Variants in PTPRE observed in about 807,000 individuals in gnomAD.
PTPRE encodes protein tyrosine phosphatase receptor type E, also known as receptor-type tyrosine-protein phosphatase epsilon.
A neutral mutation model predicts 102.0 loss-of-function variants in PTPRE; 51 were observed. The observed-to-expected ratio is 0.50, with a 90% CI of 0.40 to 0.63. PTPRE has a LOEUF of 0.63. PTPRE is among the 30% of genes least tolerant of loss of function. The pLI is 0.00. For missense variants in PTPRE, 752 were observed against 915.1 expected (o/e 0.82, Z 2.30); for synonymous variants, 345 against 348.2 (o/e 0.99, Z 0.10).
chr10:128,069,903 G>C, intron 13 of PTPRE, 76 bp downstream of exon 13: 1 of 1,605,006 alleles, frequency 6.2e-7, no homozygotes, highest in Non-Finnish European at 8.5e-7. Context: ...AGGTGTGCAG[G>C]GCCCTGGCTC....
chr10:128,056,285 CG>C, intron 7 of PTPRE, 72 bp downstream of exon 7: 1 of 1,295,260 alleles, frequency 7.7e-7, no homozygotes. Flanking sequence ...TGCAGCTCCC[CG>C]TGACTGCAGG....
intron 2 of PTPRE, chr10:127,998,898 A>AG (rs1431176404): frequency 6.6e-6 from 1 of 152,208 alleles, no homozygotes; most frequent in East Asian, 1.9e-4. Flanking sequence ...GAGGCTGGGC[A>AG]GCTGCAGGAG....
intron 2 of PTPRE, among the ~76,000 whole-genome samples, chr10:128,034,927 C>A (rs1189599623): frequency 6.6e-6 from 1 of 152,152 alleles, no homozygotes; most frequent in Non-Finnish European, 1.5e-5. Flanking sequence ...TATTATTTTA[C>A]GTTCTCATTT....
chr10:127,971,831 A>C (rs1850767026), intron 1 of PTPRE, among the ~76,000 whole-genome samples: 1 of 152,222 alleles, frequency 6.6e-6, no homozygotes, highest in East Asian at 1.9e-4. Context: ...TGGGATGGCC[A>C]TGGGCACCAG....
At chr10:127,933,664 T>C (rs980019465) in intron 1 of PTPRE, among the ~76,000 whole-genome samples, 1 of 152,190 alleles carries the variant, frequency 6.6e-6, no homozygotes, top group Non-Finnish European at 1.5e-5. Flanking sequence ...ATATCAAGAA[T>C]GTATCTAAGG....
At chr10:127,927,560 C>T (rs1412982692) in intron 1 of PTPRE, among the ~76,000 whole-genome samples, 2 of 152,146 alleles carry the variant, frequency 1.3e-5, no homozygotes, top group East Asian at 3.9e-4. Flanking sequence ...GGATCAAGCC[C>T]CAGTTTGTCT....
At chr10:127,974,846 G>T (rs1228014816) in intron 1 of PTPRE, among the ~76,000 whole-genome samples, 1 of 152,046 alleles carries the variant, frequency 6.6e-6, no homozygotes, top group African/African-American at 2.4e-5. Context: ...TTTGGGGAGG[G>T]TCTGCACCTG....
chr10:127,943,371 A>G (rs1358233991), intron 1 of PTPRE, among the ~76,000 whole-genome samples: 3 of 152,144 alleles, frequency 2.0e-5, no homozygotes, highest in Non-Finnish European at 4.4e-5. Context: ...GTAGGTTGCT[A>G]ATCCTCTCCT....
At chr10:127,984,092 T>C (rs2135474887) in intron 2 of PTPRE, among the ~76,000 whole-genome samples, 1 of 150,716 alleles carries the variant, frequency 6.6e-6, no homozygotes, top group Non-Finnish European at 1.5e-5. Context: ...TTTTTTTTTT[T>C]TTTTTTGAGA....
Position 128,076,633 on chromosome 10 carries a change from G to C in PTPRE, c.1630G>C (p.Gly544Arg). 2 of 1,609,532 alleles carry C rather than the reference G, an allele frequency of 1.2e-6. No individual in the cohort carries two copies. Among genetic ancestry groups the C allele is most frequent in the Non-Finnish European group, 1.7e-6 (2 of 1,178,798 alleles). Reference sequence around the variant, plus strand: ...ATGCTACCAGTATTGGCCAACCGAGGGCTCAGTTACTCATGGAGAAATAAC... The same window carrying C: ...ATGCTACCAGTATTGGCCAACCGAGCGCTCAGTTACTCATGGAGAAATAAC... Reference protein sequence around the residue: ...DKCYQYWPTEGSVTHGEITIE... With the variant: ...DKCYQYWPTERSVTHGEITIE... The change falls in exon 18 of 21, where the codon GGC (glycine) becomes CGC (arginine). Residue 544 changes from glycine (G) to arginine (R), a missense_variant. Coordinates refer to ENST00000254667, the MANE Select transcript of PTPRE (RefSeq NM_006504.6).
intron 2 of PTPRE, among the ~76,000 whole-genome samples, chr10:127,993,568 A>G (rs567355463): frequency 6.6e-6 from 1 of 152,156 alleles, no homozygotes; most frequent in South Asian, 2.1e-4. Context: ...TTGCTGATGG[A>G]TATGTGAATG....
At chr10:127,994,473 T>A (rs1437218385) in intron 2 of PTPRE, among the ~76,000 whole-genome samples, 1 of 152,222 alleles carries the variant, frequency 6.6e-6, no homozygotes, top group East Asian at 1.9e-4. Flanking sequence ...CCCCATAGGA[T>A]AGGGATCCCA....
At chr10:128,020,784 A>C (rs1845809210) in intron 2 of PTPRE, among the ~76,000 whole-genome samples, 1 of 152,166 alleles carries the variant, frequency 6.6e-6, no homozygotes, top group Admixed American at 6.5e-5. Context: ...CTGAGCGGGC[A>C]GTGGGTTTCC....
rs1479690306 is a variant in PTPRE, at chr10:128,066,449, A to G, written c.843+255A>G. 2.0e-5 allele frequency among the ~76,000 whole-genome samples: 3 copies of G among 152,310 alleles called. No homozygotes were observed. The East Asian group carries it at 5.8e-4, about 29-fold the overall frequency. On this transcript the variant is annotated intron_variant, in intron 11 of 20. Coordinates refer to ENST00000254667, the MANE Select transcript of PTPRE (RefSeq NM_006504.6). ...CCTAGTGACTCCTCTGGGCCTCTCC[A>G]GGAGGAAGACCAGTCATTGGAGGGG...
intron 2 of PTPRE, among the ~76,000 whole-genome samples, chr10:128,007,304 C>T (rs141381912): frequency 0.01 from 1,553 of 152,268 alleles, 35 homozygotes; most frequent in Middle Eastern, 0.054. Flanking sequence ...TTATGAAGCA[C>T]TTATTTTAAT....
At chr10:128,061,108 A>G (rs1310027143) in intron 8 of PTPRE, 93 bp downstream of exon 8, 2 of 1,297,816 alleles carry the variant, frequency 1.5e-6, no homozygotes, top group Non-Finnish European at 2.2e-6. Context: ...AAATTGTCAC[A>G]ACCTTTCTGG....
At chr10:128,037,957 A>ATTTTTTTTTTTTTTTTTTT (rs34089996) in intron 2 of PTPRE, among the ~76,000 whole-genome samples, 1 of 115,956 alleles carries the variant, frequency 8.6e-6, no homozygotes, top group Non-Finnish European at 1.7e-5. Context: ...TGTCCGGCTA[A>ATTTTTTTTTTTTTTTTTTT]TTTTTTTTTT....
Position 128,015,266 on chromosome 10 carries a change from G to A in PTPRE, c.-7-25609G>A, listed in dbSNP as rs147551537. Among the ~76,000 whole-genome samples the A allele has an allele frequency of 7.6e-3, 1,164 of 152,292 alleles. 14 individuals are homozygous for A. Among genetic ancestry groups the A allele is most frequent in the Non-Finnish European group, 0.011 (756 of 68,022 alleles). ...TGTGTATCAAGAGGAGAATGGGGCC[G>A]GGCCTCGTGGCTCACGCCTATAATC... is the stretch of plus-strand genomic sequence containing the variant. On this transcript the variant is annotated intron_variant, in intron 2 of 20. Coordinates refer to ENST00000254667, the MANE Select transcript of PTPRE (RefSeq NM_006504.6).
At position 128,073,446 on chromosome 10, in the gene PTPRE, T is replaced by C; in HGVS notation, c.1574T>C (p.Leu525Pro). ...WEWKSHTIVM[L>P]TEVQEREQDK... ...TGGAAATCCCACACTATCGTGATGC[T>C]GACGGAGGTGCAGGAGAGAGAGCAG... is the stretch of plus-strand genomic sequence containing the variant. The change falls in exon 17 of 21, where the codon CTG becomes CCG. Residue 525 changes from leucine to proline, a missense_variant. Leu to Pro is a moderately conservative substitution (Grantham distance 98). This residue lies in a region of PTPRE where 636 missense variants were observed against 824.4 expected (regional missense o/e 0.77). Coordinates refer to ENST00000254667, the MANE Select transcript of PTPRE (RefSeq NM_006504.6). 1 of 1,614,162 alleles carries C rather than the reference T, an allele frequency of 6.2e-7. No individual in the cohort carries two copies. Among genetic ancestry groups the C allele is most frequent in the Non-Finnish European group, 8.5e-7 (1 of 1,180,002 alleles).
Sources: allele counts gnomAD v4.1 joint callset (sites outside exome capture counted in the v4.1 genomes callset), GRCh38; gene constraint gnomAD v4.1.1; regional missense constraint gnomAD v4.1.1; transcripts MANE v1.5; gene names NCBI Gene and HGNC (gene_info 2026-07-23, HGNC 2026-07-21).